Variants in CTNNBIP1 observed in about 807,000 individuals in gnomAD.
The protein encoded by CTNNBIP1 is catenin beta interacting protein 1.
A neutral mutation model predicts 11.8 loss-of-function variants in CTNNBIP1; 7 were observed. The ratio of observed to expected loss-of-function variants is 0.60; its 90% CI spans 0.34 to 1.12. The LOEUF (loss-of-function observed/expected upper bound fraction) is 1.12, where lower values mean the gene tolerates loss of function less well. Among genes scored for constraint, CTNNBIP1 ranks in the 50% most tolerant of loss-of-function variants. The pLI, the probability that CTNNBIP1 is intolerant of heterozygous loss-of-function variation, is 0.03. For synonymous variants in CTNNBIP1, 58 were observed against 43.9 expected (o/e 1.32, Z -1.26); for missense variants, 101 against 113.4 (o/e 0.89, Z 0.50).
At chr1:9,869,497 G>A (rs1391816991) in intron 5 of CTNNBIP1, among the ~76,000 whole-genome samples, 1 of 152,098 alleles carries the variant, frequency 6.6e-6, no homozygotes, top group East Asian at 1.9e-4. Context: ...GCTAACTTTT[G>A]TATTTTTAGT....
intron 2 of CTNNBIP1, among the ~76,000 whole-genome samples, chr1:9,879,499 T>C (rs1446759368): frequency 1.3e-5 from 2 of 152,196 alleles, no homozygotes; most frequent in African/African-American, 4.8e-5. Flanking sequence ...CTGTTCTGTG[T>C]GTCCCTTTAA....
intron 1 of CTNNBIP1, among the ~76,000 whole-genome samples, chr1:9,897,992 C>T (rs1424496076): frequency 8.7e-5 from 13 of 149,926 alleles, no homozygotes; most frequent in Admixed American, 4.0e-4. Context: ...TGCTGGCACA[C>T]GCCTGTAGTC....
chr1:9,881,129 T>C (rs1371157110), intron 2 of CTNNBIP1, among the ~76,000 whole-genome samples: 1 of 151,998 alleles, frequency 6.6e-6, no homozygotes, highest in Non-Finnish European at 1.5e-5. Flanking sequence ...TTGAACTCCC[T>C]AGCTCAAGCA....
At chr1:9,860,540 G>A (rs1429817120) in intron 5 of CTNNBIP1, among the ~76,000 whole-genome samples, 2 of 148,750 alleles carry the variant, frequency 1.3e-5, no homozygotes, top group African/African-American at 5.0e-5. Flanking sequence ...AACCTGGGAG[G>A]CGGAGGTTGC....
At chr1:9,907,010 A>G (rs1057316454) in intron 1 of CTNNBIP1, among the ~76,000 whole-genome samples, 1 of 152,240 alleles carries the variant, frequency 6.6e-6, no homozygotes, top group Non-Finnish European at 1.5e-5. Flanking sequence ...ATAAACTGCT[A>G]TAAGATTTCA....
At chr1:9,862,176 C>T (rs1448837864) in intron 5 of CTNNBIP1, among the ~76,000 whole-genome samples, 1 of 152,176 alleles carries the variant, frequency 6.6e-6, no homozygotes, top group Non-Finnish European at 1.5e-5. Flanking sequence ...CTTTGATTGC[C>T]AAGAAGGGAC....
At chr1:9,879,321 T>C (rs1639035646) in intron 2 of CTNNBIP1, among the ~76,000 whole-genome samples, 1 of 152,176 alleles carries the variant, frequency 6.6e-6, no homozygotes. Context: ...AAACTGGTTC[T>C]GAGAGAGGTG....
rs530520422 is a variant in CTNNBIP1 at position 9,896,295 on chromosome 1, G to C, written c.-143-12557C>G. Among the ~76,000 whole-genome samples, 10 of 152,328 alleles carry C rather than the reference G, an allele frequency of 6.6e-5. No homozygotes were observed. In the South Asian group the frequency reaches 2.1e-3, roughly 32 times the overall value. On this transcript the variant is annotated intron_variant, in intron 1 of 5. Transcript: ENST00000377263. ...GTTTGCCCCAATTCTGGTGATGCTG[G>C]CTTTGATACCTTGGATATGGATCAA...
chr1:9,871,959 A>C lies in CTNNBIP1; in HGVS notation c.96+10T>G, dbSNP rs1638871590. ...GGGGGCCCGCTGCCTGACACCCCAC[A>C]GGCACTCACGTTTGATCCCATCTTC... On this transcript the variant is annotated intron_variant, in intron 4 of 5. Coordinates refer to ENST00000377263, the MANE Select transcript of CTNNBIP1 (RefSeq NM_020248.3). The surrounding 1 kb of genome is among the most constrained non-coding windows in gnomAD (Gnocchi z 5.2). 6.2e-7 allele frequency: 1 copy of C among 1,612,584 alleles called. No individual in the cohort carries two copies. The highest frequency in any genetic ancestry group is 8.5e-7 in the Non-Finnish European group (1 of 1,178,768).
intron 1 of CTNNBIP1, among the ~76,000 whole-genome samples, chr1:9,906,278 C>T (rs1639617967): frequency 2.0e-5 from 3 of 152,216 alleles, no homozygotes; most frequent in African/African-American, 7.2e-5. Flanking sequence ...ACACTTCAGG[C>T]CAGGCACGGT....
rs1450683703 is a variant in CTNNBIP1, at chr1:9,871,176, C to T, written c.187+11G>A. ...TGTGCCACTGCCCCAGCCCCTCTGC[C>T]GCCAACTCACCCTGGTCGATGGAGT... On this transcript the variant is annotated intron_variant, in intron 5 of 5. Coordinates refer to ENST00000377263, the MANE Select transcript of CTNNBIP1 (RefSeq NM_020248.3). This position sits in a 1 kb window ranked among gnomAD's most constrained non-coding sequence, Gnocchi z 5.2. 1.9e-6 allele frequency: 3 copies of T among 1,558,062 alleles called. No homozygotes were observed. The highest frequency in any genetic ancestry group is 2.4e-5 in the South Asian group (2 of 84,688).
chr1:9,862,785 G>T (rs1638658182), intron 5 of CTNNBIP1, among the ~76,000 whole-genome samples: 1 of 152,208 alleles, frequency 6.6e-6, no homozygotes, highest in Admixed American at 6.5e-5. Flanking sequence ...TTACGCATTA[G>T]TTCACACGCC....
intron 5 of CTNNBIP1, among the ~76,000 whole-genome samples, chr1:9,861,231 C>A (rs1318956979): frequency 6.6e-6 from 1 of 152,190 alleles, no homozygotes; most frequent in Admixed American, 6.5e-5. Flanking sequence ...ACTGCAGTGG[C>A]TGAACTACCA....
intron 1 of CTNNBIP1, chr1:9,893,343 AACC>A (rs1346445206): frequency 6.6e-6 from 1 of 152,166 alleles, no homozygotes; most frequent in Non-Finnish European, 1.5e-5. Context: ...TCAGGAGACG[AACC>A]ACCATCACCC....
rs150606792 is a variant in CTNNBIP1 at position 9,862,368 on chromosome 1, C to T, written c.187+8819G>A. ...AAAGTGTTGGGATTACAGGCATGCA[C>T]CACCGTGCCTGCCCCATCCTGGCAT... On this transcript the variant is annotated intron_variant, in intron 5 of 5. Coordinates refer to ENST00000377263, the MANE Select transcript of CTNNBIP1 (RefSeq NM_020248.3). Among the ~76,000 whole-genome samples the T allele has an allele frequency of 5.4e-4, 83 of 152,326 alleles. 1 individual carries two copies. The highest frequency in any genetic ancestry group is 1.9e-3 in the African/African-American group (81 of 41,562).
At chr1:9,896,689 C>G (rs1334423832) in intron 1 of CTNNBIP1, among the ~76,000 whole-genome samples, 2 of 152,098 alleles carry the variant, frequency 1.3e-5, no homozygotes, top group African/African-American at 4.8e-5. Context: ...CAAAAATTGG[C>G]CGGGTGCGGC....
rs1638868750 is a variant in CTNNBIP1 at position 9,871,857 on chromosome 1, G to A, written c.96+112C>T. Reference sequence around the variant, plus strand: ...AGGCCCAGCGGCCCCTCCTCAGCCCGTGGCTCCGCAGGAGGCAGCCGCAGT... The same window carrying A: ...AGGCCCAGCGGCCCCTCCTCAGCCCATGGCTCCGCAGGAGGCAGCCGCAGT... On this transcript the variant is annotated intron_variant, in intron 4 of 5. Coordinates refer to ENST00000377263, the MANE Select transcript of CTNNBIP1 (RefSeq NM_020248.3). This position sits in a 1 kb window ranked among gnomAD's most constrained non-coding sequence, Gnocchi z 5.2. 4.5e-6 allele frequency: 4 copies of A among 884,186 alleles called. No homozygotes were observed. The highest frequency in any genetic ancestry group is 1.5e-5 in the South Asian group (1 of 68,550). The allele number at this position is 884,186 out of a possible 1,614,324, so 54.8% of individuals were successfully genotyped here.
intron 3 of CTNNBIP1, among the ~76,000 whole-genome samples, chr1:9,875,055 C>G (rs1371817613): frequency 1.3e-5 from 2 of 152,132 alleles, no homozygotes; most frequent in Non-Finnish European, 2.9e-5. Flanking sequence ...CTAGGTGTCG[C>G]CAAACACAAA....
chr1:9,899,686 G>A (rs934085339), intron 1 of CTNNBIP1, among the ~76,000 whole-genome samples: 2 of 151,960 alleles, frequency 1.3e-5, no homozygotes, highest in African/African-American at 4.8e-5. Flanking sequence ...TTGAACCCGG[G>A]AGGCGGAGGT....
Sources: gnomAD v4.1 joint callset for allele counts (sites outside exome capture counted in the v4.1 genomes callset) on GRCh38, gnomAD v4.1.1 for gene constraint, Gnocchi (gnomAD v3.1) non-coding constraint, MANE v1.5 for transcripts, NCBI Gene and HGNC (gene_info 2026-07-23, HGNC 2026-07-21) for gene names.